SAMD12: variants seen among roughly 807,000 people sequenced by gnomAD.
The protein encoded by SAMD12 is sterile alpha motif domain containing 12.
Under a neutral mutation model 15.0 loss-of-function variants are expected in SAMD12, and 9 were observed. The ratio of observed to expected loss-of-function variants is 0.60; its 90% CI spans 0.36 to 1.05. The LOEUF (loss-of-function observed/expected upper bound fraction) is 1.05. Among genes scored for constraint, SAMD12 ranks in the 50% least tolerant of loss-of-function variants. SAMD12 has a pLI of 0.01. For synonymous variants in SAMD12, 86 were observed against 90.1 expected (o/e 0.96, Z 0.25); for missense variants, 230 against 234.2 (o/e 0.98, Z 0.12).
At chr8:118,186,863 G>A (rs1400211604), downstream of SAMD12, among the ~76,000 whole-genome samples, 1 of 152,116 alleles carries the variant, frequency 6.6e-6, no homozygotes, top group African/African-American at 2.4e-5. Flanking sequence ...CTGCCTTTGG[G>A]TGGAGGATAA....
chr8:118,349,250 A>G (rs930472116), intron 4 of SAMD12, among the ~76,000 whole-genome samples: 2 of 152,226 alleles, frequency 1.3e-5, no homozygotes, highest in African/African-American at 4.8e-5. Flanking sequence ...TCTCCAGTTG[A>G]AGAATGTTCT....
intron 1 of SAMD12, among the ~76,000 whole-genome samples, chr8:118,606,205 T>A (rs1484209951): frequency 6.6e-6 from 1 of 152,040 alleles, no homozygotes; most frequent in Non-Finnish European, 1.5e-5. Context: ...TAAGAAACAT[T>A]CTCGATCCCT....
At chr8:118,435,171 C>T (rs1007168676) in intron 3 of SAMD12, among the ~76,000 whole-genome samples, 3 of 152,042 alleles carry the variant, frequency 2.0e-5, no homozygotes, top group African/African-American at 7.3e-5. Flanking sequence ...GCCCCCTTAG[C>T]TACGGTTTCA....
chr8:118,520,567 TGAAAA>T (rs1182904903), intron 2 of SAMD12, among the ~76,000 whole-genome samples: 1 of 152,208 alleles, frequency 6.6e-6, no homozygotes, highest in East Asian at 1.9e-4. Flanking sequence ...TAACTGTTTC[TGAAAA>T]CATAACACAA....
intron 4 of SAMD12, among the ~76,000 whole-genome samples, chr8:118,264,270 A>C (rs1188890648): frequency 6.6e-6 from 1 of 152,102 alleles, no homozygotes; most frequent in Non-Finnish European, 1.5e-5. Flanking sequence ...TGTCCTTCCC[A>C]AGTCCCACTA....
intron 1 of SAMD12, among the ~76,000 whole-genome samples, chr8:118,604,276 A>G (rs1044755849): frequency 2.0e-5 from 3 of 152,232 alleles, no homozygotes; most frequent in African/African-American, 4.8e-5. Context: ...TAAATGGTAG[A>G]GAATATTTAT....
chr8:118,598,752 T>C (rs1289498934), intron 1 of SAMD12, among the ~76,000 whole-genome samples: 3 of 152,192 alleles, frequency 2.0e-5, no homozygotes, highest in Admixed American at 1.3e-4. Context: ...CCAAAGTCAC[T>C]GAACAAGTCA....
intron 4 of SAMD12, among the ~76,000 whole-genome samples, chr8:118,201,927 A>G (rs1819726785): frequency 1.3e-5 from 2 of 152,198 alleles, no homozygotes; most frequent in Admixed American, 1.3e-4. Flanking sequence ...ATTTAGCCCT[A>G]TGGCTTCAGA....
chr8:118,315,025 A>T (rs867009668), intron 4 of SAMD12, among the ~76,000 whole-genome samples: 1 of 152,152 alleles, frequency 6.6e-6, no homozygotes, highest in African/African-American at 2.4e-5. Context: ...TCACGTACAT[A>T]TTTACCTAGT....
At chr8:118,276,503 C>T (rs1191583896) in intron 4 of SAMD12, among the ~76,000 whole-genome samples, 1 of 152,154 alleles carries the variant, frequency 6.6e-6, no homozygotes, top group East Asian at 1.9e-4. Flanking sequence ...CCATAAACAA[C>T]ATTTGGCTGG....
At chr8:118,356,522 G>A (rs1818233225) in intron 4 of SAMD12, among the ~76,000 whole-genome samples, 1 of 152,144 alleles carries the variant, frequency 6.6e-6, no homozygotes, top group Non-Finnish European at 1.5e-5. Flanking sequence ...AGGATACTTT[G>A]AGCCTGCACT....
At chr8:118,462,767 T>C (rs970272104) in intron 2 of SAMD12, among the ~76,000 whole-genome samples, 2 of 152,108 alleles carry the variant, frequency 1.3e-5, no homozygotes, top group African/African-American at 4.8e-5. Context: ...TTTCTGGTTA[T>C]CCCCGTGTGC....
intron 2 of SAMD12, among the ~76,000 whole-genome samples, chr8:118,521,504 C>T (rs553704340): frequency 2.0e-5 from 3 of 152,252 alleles, no homozygotes; most frequent in African/African-American, 7.2e-5. Flanking sequence ...TCGCTTTTAC[C>T]TTTCACACTA....
chr8:118,335,308 C>T (rs903839218), intron 4 of SAMD12, among the ~76,000 whole-genome samples: 1 of 152,182 alleles, frequency 6.6e-6, no homozygotes, highest in African/African-American at 2.4e-5. Flanking sequence ...GCCATTTGTG[C>T]TTGTAACTCG....
chr8:118,311,374 C>T (rs1416013068), intron 4 of SAMD12, among the ~76,000 whole-genome samples: 1 of 152,220 alleles, frequency 6.6e-6, no homozygotes, highest in Non-Finnish European at 1.5e-5. Context: ...CAGCCAAGCA[C>T]ATATTCATTT....
downstream of SAMD12, among the ~76,000 whole-genome samples, chr8:118,377,829 T>A (rs1004751831): frequency 6.6e-6 from 1 of 152,116 alleles, no homozygotes; most frequent in Non-Finnish European, 1.5e-5. Flanking sequence ...GGAAAAAGAA[T>A]GAGCTGCAAA....
At chr8:118,425,718 CAG>C (rs1822211676) in intron 3 of SAMD12, among the ~76,000 whole-genome samples, 1 of 152,034 alleles carries the variant, frequency 6.6e-6, no homozygotes, top group African/African-American at 2.4e-5. Flanking sequence ...AGAATAAAGA[CAG>C]GGGAAAAAAT....
At chr8:118,541,682 T>C (rs374595260) in intron 2 of SAMD12, among the ~76,000 whole-genome samples, 21 of 152,212 alleles carry the variant, frequency 1.4e-4, no homozygotes, top group African/African-American at 4.8e-4. Context: ...TGTAAATTCC[T>C]TATAGACAAA....
chr8:118,373,251 T>G (rs1286879022), downstream of SAMD12, among the ~76,000 whole-genome samples: 2 of 152,186 alleles, frequency 1.3e-5, no homozygotes, highest in Non-Finnish European at 2.9e-5. Context: ...ACTAACTAGC[T>G]GTGTAACTAG....
Sources: allele counts gnomAD v4.1 joint callset (sites outside exome capture counted in the v4.1 genomes callset), GRCh38; gene constraint gnomAD v4.1.1; transcripts MANE v1.5; gene names NCBI Gene and HGNC (gene_info 2026-07-23, HGNC 2026-07-21).